DNM1L: variants seen among roughly 807,000 people sequenced by gnomAD.
DNM1L encodes the protein dynamin 1L, also known as dynamin-1-like protein.
A neutral mutation model predicts 92.8 loss-of-function variants in DNM1L; 33 were observed. That is an observed-to-expected ratio of 0.36 (90% confidence interval 0.27 to 0.48). The LOEUF (loss-of-function observed/expected upper bound fraction) is 0.48. DNM1L is among the 20% of genes least tolerant of loss of function. DNM1L has a pLI of 0.99. For synonymous variants in DNM1L, 284 were observed against 305.0 expected (o/e 0.93, Z 0.72); for missense variants, 485 against 888.8 (o/e 0.55, Z 5.78).
intron 5 of DNM1L, among the ~76,000 whole-genome samples, chr12:32,712,888 A>G (rs554159439): frequency 6.6e-6 from 1 of 152,270 alleles, no homozygotes; most frequent in South Asian, 2.1e-4. Flanking sequence ...CGTTCAGAAA[A>G]GTGCCTAAAA....
At chr12:32,714,462 C>T (rs376981468) in intron 6 of DNM1L, among the ~76,000 whole-genome samples, 3,051 of 151,480 alleles carry the variant, frequency 0.02, 100 homozygotes, top group African/African-American at 0.071. Context: ...TTAGTAGAGA[C>T]GGGGTTTCAC....
In DNM1L at chr12:32,740,219, T is replaced by C. The variant is rs1955191241; in HGVS notation, c.1863T>C (p.His621=). The C allele has an allele frequency of 1.9e-6, 3 of 1,614,082 alleles. No individual in the cohort carries two copies. Among genetic ancestry groups the C allele is most frequent in the Non-Finnish European group, 1.7e-6 (2 of 1,180,040 alleles). ...TGCCAGCCAGTCCACAAAAAGGTCA[T>C]GCCGTGAACCTGCTAGATGTGGTAA... ...PIMPASPQKG[H]AVNLLDVPVP... is the part of the protein sequence containing the mutation. Residue 621 remains histidine (H), a synonymous_variant, in exon 17 of 20, where the codon CAT becomes CAC. Transcript: ENST00000549701.
intron 1 of DNM1L, among the ~76,000 whole-genome samples, chr12:32,691,048 CAGA>C (rs1952208981): frequency 6.6e-6 from 1 of 152,122 alleles, no homozygotes; most frequent in African/African-American, 2.4e-5. Context: ...GCTTAAAAAG[CAGA>C]AGTTTATTTT....
intron 9 of DNM1L, among the ~76,000 whole-genome samples, chr12:32,729,198 C>T (rs1210387369): frequency 2.0e-5 from 3 of 152,068 alleles, no homozygotes; most frequent in African/African-American, 7.2e-5. Context: ...TCTCCCGCTT[C>T]AGCCTCCCGA....
intron 9 of DNM1L, chr12:32,728,654 G>A (rs1954317524): frequency 6.6e-6 from 1 of 152,174 alleles, no homozygotes; most frequent in African/African-American, 2.4e-5. Flanking sequence ...TAGAATTTGA[G>A]AAGGCAGTAA....
At chr12:32,693,588 GT>G (rs66844616) in intron 1 of DNM1L, among the ~76,000 whole-genome samples, 23,386 of 151,756 alleles carry the variant, frequency 0.15, 1,906 homozygotes, top group Middle Eastern at 0.21. Flanking sequence ...GTAATTCAGT[GT>G]TTTTTTTAGC....
chr12:32,694,177 G>A (rs1301802848), intron 1 of DNM1L, among the ~76,000 whole-genome samples: 1 of 152,164 alleles, frequency 6.6e-6, no homozygotes, highest in African/African-American at 2.4e-5. Context: ...TCCGCCTCCT[G>A]GGTTCAAGCA....
intron 12 of DNM1L, chr12:32,732,603 C>T (rs1210551475): frequency 4.4e-6 from 2 of 455,748 alleles, no homozygotes; most frequent in Admixed American, 2.4e-5. Flanking sequence ...CAAAACCATC[C>T]TTGGAATGTA....
intron 2 of DNM1L, chr12:32,706,767 T>C (rs1952943635): frequency 4.4e-6 from 2 of 449,924 alleles, no homozygotes; most frequent in Admixed American, 2.4e-5. Context: ...GCTAGCTCTA[T>C]AATAATGAGA....
chr12:32,699,271 C>T lies in DNM1L; in HGVS notation c.103-2144C>T, dbSNP rs77428085. Among the ~76,000 whole-genome samples, 498 of 152,046 alleles carry T rather than the reference C, an allele frequency of 3.3e-3. 8 individuals are homozygous for T. In the East Asian group the frequency reaches 0.035, roughly 11 times the overall value. On this transcript the variant is annotated intron_variant, in intron 1 of 19. Coordinates refer to ENST00000549701, the MANE Select transcript of DNM1L (RefSeq NM_012062.5). ...AAGATATATGAGTATTCACTGTTACCGTTCTTGCAACTTTTTTTGTGGCAT... is the reference window on the plus strand; with the variant it reads ...AAGATATATGAGTATTCACTGTTACTGTTCTTGCAACTTTTTTTGTGGCAT...
chr12:32,734,766 G>T (rs767841340), intron 13 of DNM1L, among the ~76,000 whole-genome samples: 13 of 152,178 alleles, frequency 8.5e-5, no homozygotes, highest in African/African-American at 2.9e-4. Context: ...CTGAGATCGC[G>T]CCATTGCACT....
chr12:32,690,429 G>T (rs1171344344), intron 1 of DNM1L, among the ~76,000 whole-genome samples: 1 of 152,196 alleles, frequency 6.6e-6, no homozygotes, highest in South Asian at 2.1e-4. Flanking sequence ...TTAATATCTA[G>T]TTAGCCACAG....
chr12:32,741,725 A>G (rs1955307728), intron 18 of DNM1L, among the ~76,000 whole-genome samples: 1 of 152,250 alleles, frequency 6.6e-6, no homozygotes, highest in Admixed American at 6.5e-5. Flanking sequence ...TACATTTCCT[A>G]TGTTTAGATA....
At chr12:32,740,024 A>G (rs1592687852) in intron 16 of DNM1L, 40 bp from the exon 17 acceptor site, 1 of 1,604,150 alleles carries the variant, frequency 6.2e-7, no homozygotes, top group South Asian at 1.1e-5. Context: ...TTAAGGTCAG[A>G]TATGATGTGG....
intron 1 of DNM1L, among the ~76,000 whole-genome samples, chr12:32,691,578 C>G (rs1426724985): frequency 1.3e-5 from 2 of 152,082 alleles, no homozygotes; most frequent in African/African-American, 4.8e-5. Context: ...TTTAAAGGCC[C>G]TGTCTGCAAA....
At chr12:32,699,228 T>A (rs1204279301) in intron 1 of DNM1L, among the ~76,000 whole-genome samples, 4 of 152,186 alleles carry the variant, frequency 2.6e-5, no homozygotes, top group African/African-American at 9.7e-5. Flanking sequence ...AAAATGTTAA[T>A]AAGTGGTGAA....
chr12:32,687,387 A>G (rs1208235058), intron 1 of DNM1L, among the ~76,000 whole-genome samples: 4 of 151,686 alleles, frequency 2.6e-5, no homozygotes, highest in Non-Finnish European at 5.9e-5. Flanking sequence ...TTTGTTGGAG[A>G]GACTGTTCTT....
chr12:32,724,594 ATATAT>A (rs1467155877), intron 9 of DNM1L, among the ~76,000 whole-genome samples: 8,501 of 44,244 alleles, frequency 0.19, 485 homozygotes, highest in Non-Finnish European at 0.29. Flanking sequence ...AAAAAAAAAA[ATATAT>A]ATATATATAT....
At chr12:32,684,600 C>T (rs11052169) in intron 1 of DNM1L, among the ~76,000 whole-genome samples, 1 of 152,008 alleles carries the variant, frequency 6.6e-6, no homozygotes, top group African/African-American at 2.4e-5. Context: ...TGCCTCAGCC[C>T]GGATTACAGG....
Sources: gnomAD v4.1 joint callset for allele counts (sites outside exome capture counted in the v4.1 genomes callset) on GRCh38, gnomAD v4.1.1 for gene constraint, MANE v1.5 for transcripts, NCBI Gene and HGNC (gene_info 2026-07-23, HGNC 2026-07-21) for gene names.